MN1: variants seen among roughly 807,000 people sequenced by gnomAD.
MN1 encodes the protein transcriptional activator MN1.
MN1 carries 19 observed loss-of-function variants against 86.9 expected under a neutral mutation model. The observed-to-expected ratio is 0.22, with a 90% CI of 0.15 to 0.32. The LOEUF (loss-of-function observed/expected upper bound fraction) is 0.32. MN1 is among the 10% of genes least tolerant of loss of function. MN1 has a pLI of 1.00. For synonymous variants in MN1, 928 were observed against 849.6 expected (o/e 1.09, Z -1.60); for missense variants, 1,841 against 1,862.0 (o/e 0.99, Z 0.21).
chr22:27,775,140 C>T (rs1932960856), intron 1 of MN1, among the ~76,000 whole-genome samples: 1 of 152,216 alleles, frequency 6.6e-6, no homozygotes, highest in Admixed American at 6.5e-5. Context: ...TTCTCTGTAC[C>T]TCGCCCTCCT....
rs149306551 is a variant in MN1, at chr22:27,757,349, G to A, written c.3782-6253C>T. 5.8e-3 allele frequency among the ~76,000 whole-genome samples: 888 copies of A among 152,310 alleles called. 2 individuals are homozygous for A. Among genetic ancestry groups the A allele is most frequent in the African/African-American group, 0.02 (850 of 41,564 alleles). On this transcript the variant is annotated intron_variant, in intron 1 of 1. Coordinates refer to ENST00000302326, the MANE Select transcript of MN1 (RefSeq NM_002430.3). ...CGCACCCGGCGCACTCTTACTGTTC[G>A]TGGCACTGGAGGCAGACAGAGCTAG...
chr22:27,783,124 G>T (rs1218261684), intron 1 of MN1, among the ~76,000 whole-genome samples: 1 of 150,496 alleles, frequency 6.6e-6, no homozygotes, highest in African/African-American at 2.5e-5. Flanking sequence ...GGGGATGTAC[G>T]TCGTGCTGCT....
chr22:27,770,022 T>C (rs1678715100), intron 1 of MN1, among the ~76,000 whole-genome samples: 1 of 152,198 alleles, frequency 6.6e-6, no homozygotes, highest in African/African-American at 2.4e-5. Flanking sequence ...CAAGGCCACA[T>C]AGTCACTAAT....
intron 1 of MN1, among the ~76,000 whole-genome samples, chr22:27,772,592 G>A (rs1288490075): frequency 6.6e-6 from 1 of 152,144 alleles, no homozygotes; most frequent in African/African-American, 2.4e-5. Context: ...CCCTGCAGGT[G>A]CAGACGTCTG....
At position 27,801,052 on chromosome 22, in the gene MN1, G is replaced by A. The variant is rs889744536; in HGVS notation, c.-509C>T. On this transcript the variant is annotated 5_prime_UTR_variant, in exon 1 of 2. Transcript: ENST00000302326. ...AGGGAGACCCTTCAAAGCCGCGGCTGGCGCCGGGCACCGACAGAGCGGTCC... is the reference window on the plus strand; with the variant it reads ...AGGGAGACCCTTCAAAGCCGCGGCTAGCGCCGGGCACCGACAGAGCGGTCC... 5.5e-5 allele frequency: 13 copies of A among 238,348 alleles called. No individual in the cohort carries two copies. Among genetic ancestry groups the A allele is most frequent in the East Asian group, 3.7e-4 (6 of 16,344 alleles). The allele number at this position is 238,348 out of a possible 1,614,324, so 14.8% of individuals were successfully genotyped here.
chr22:27,752,204 T>A (rs1432391648), intron 1 of MN1, among the ~76,000 whole-genome samples: 2 of 151,716 alleles, frequency 1.3e-5, no homozygotes, highest in Non-Finnish European at 2.9e-5. Flanking sequence ...AAAAGGGGAG[T>A]GTCCACCCGG....
intron 1 of MN1, among the ~76,000 whole-genome samples, chr22:27,768,592 G>T (rs897651323): frequency 6.6e-6 from 1 of 152,126 alleles, no homozygotes; most frequent in African/African-American, 2.4e-5. Flanking sequence ...TCTAGAGTTG[G>T]GTTGTCCAAC....
chr22:27,775,040 T>C (rs1568975827), intron 1 of MN1, among the ~76,000 whole-genome samples: 2 of 152,334 alleles, frequency 1.3e-5, no homozygotes, highest in South Asian at 4.1e-4. Flanking sequence ...TGTCTCATGC[T>C]GAGGAGCAGT....
intron 1 of MN1, among the ~76,000 whole-genome samples, chr22:27,771,507 G>A (rs1016491936): frequency 5.3e-5 from 8 of 151,930 alleles, no homozygotes; most frequent in East Asian, 1.9e-4. Context: ...GATTATAAGC[G>A]TGAGCCGCCA....
Position 27,797,857 on chromosome 22 carries a change from G to C in MN1, c.2687C>G (p.Thr896Ser), listed in dbSNP as rs1388123659. ...GAPGPGGPSG[T>S]SSSGSKASGP... Reference sequence around the variant, plus strand: ...CGAGGCTTTGGAGCCGCTGCTACTGGTCCCGGACGGGCCTCCGGGTCCTGG... The same window carrying C: ...CGAGGCTTTGGAGCCGCTGCTACTGCTCCCGGACGGGCCTCCGGGTCCTGG... Residue 896 changes from threonine to serine, a missense_variant, in exon 1 of 2, where the codon ACC (threonine) becomes AGC (serine). Physicochemically the swap from Thr to Ser is moderately conservative, Grantham distance 58. Transcript: ENST00000302326. 1 of 1,584,148 alleles carries C rather than the reference G, an allele frequency of 6.3e-7. No homozygotes were observed.
chr22:27,794,032 A>G (rs945949549), intron 1 of MN1, among the ~76,000 whole-genome samples: 5 of 152,306 alleles, frequency 3.3e-5, no homozygotes, highest in Non-Finnish European at 7.4e-5. Flanking sequence ...GAGAAGGTCC[A>G]TTCAAAGCCA....
chr22:27,785,322 C>A (rs907218817), intron 1 of MN1, among the ~76,000 whole-genome samples: 13 of 152,172 alleles, frequency 8.5e-5, no homozygotes, highest in Admixed American at 2.0e-4. Context: ...AACGGAAAAA[C>A]CCCCTCTGTC....
intron 1 of MN1, among the ~76,000 whole-genome samples, chr22:27,793,994 G>A (rs927073561): frequency 2.0e-5 from 3 of 151,000 alleles, no homozygotes; most frequent in Non-Finnish European, 4.4e-5. Context: ...AAGGGGAGTA[G>A]AAAAAAAAAT....
intron 1 of MN1, among the ~76,000 whole-genome samples, chr22:27,770,940 G>A (rs1435509289): frequency 2.6e-5 from 4 of 152,004 alleles, no homozygotes; most frequent in Non-Finnish European, 5.9e-5. Context: ...GATTACAGGC[G>A]GGAGCCACCA....
In MN1 at chr22:27,748,647, C is replaced by T. The variant is rs1383269046; in HGVS notation, c.*2268G>A. On this transcript the variant is annotated 3_prime_UTR_variant, in exon 2 of 2. Transcript: ENST00000302326. Reference sequence around the variant, plus strand: ...ATTTACTTTTATTCTTTCCATTAAACCAAATTTAATGAAATAACATCCTTT... The same window carrying T: ...ATTTACTTTTATTCTTTCCATTAAATCAAATTTAATGAAATAACATCCTTT... 4.7e-6 allele frequency: 1 copy of T among 210,942 alleles called. No homozygotes were observed. Among genetic ancestry groups the T allele is most frequent in the African/African-American group, 2.3e-5 (1 of 44,036 alleles). The allele number at this position is 210,942 out of a possible 1,614,324, so 13.1% of individuals were successfully genotyped here. A position where few individuals can be genotyped will look rare whatever the true frequency, so the allele number is the denominator to read the frequency against.
rs1278603134 is a variant in MN1 at position 27,800,336 on chromosome 22, A to C, written c.208T>G (p.Phe70Val). Residue 70 changes from phenylalanine (F) to valine (V), a missense_variant, in exon 1 of 2, where the codon TTC (phenylalanine) becomes GTC (valine). Transcript: ENST00000302326. ...AACTCCGAGTGGCCGCGCGCGTGGAAGCCGTAGGGCTCCATGTTCATGCCC... is the reference window on the plus strand; with the variant it reads ...AACTCCGAGTGGCCGCGCGCGTGGACGCCGTAGGGCTCCATGTTCATGCCC... ...ILGMNMEPYG[F>V]HARGHSELHA... 1 of 1,589,200 alleles carries C rather than the reference A, an allele frequency of 6.3e-7. No individual in the cohort carries two copies.
At position 27,750,046 on chromosome 22, in the gene MN1, G is replaced by C. The variant is rs1601318926; in HGVS notation, c.*869C>G. ...CAGACCAAAGGCTGCTTAGCACAGC[G>C]TGAAAATGCAGGGCCTGGGCATTTG... On this transcript the variant is annotated 3_prime_UTR_variant, in exon 2 of 2. Transcript: ENST00000302326. 1 of 232,150 alleles carries C rather than the reference G, an allele frequency of 4.3e-6. No homozygotes were observed. Among genetic ancestry groups the C allele is most frequent in the Non-Finnish European group, 8.5e-6 (1 of 117,346 alleles). The allele number at this position is 232,150 out of a possible 1,614,324, so 14.4% of individuals were successfully genotyped here.
intron 1 of MN1, among the ~76,000 whole-genome samples, chr22:27,794,977 G>T (rs556024678): frequency 6.7e-6 from 1 of 149,856 alleles, no homozygotes; most frequent in South Asian, 2.1e-4. Flanking sequence ...ACCAGCTATC[G>T]ATCGGGCCAG....
intron 1 of MN1, among the ~76,000 whole-genome samples, chr22:27,759,195 G>A (rs1408438626): frequency 1.3e-5 from 2 of 152,164 alleles, no homozygotes; most frequent in African/African-American, 4.8e-5. Flanking sequence ...TGGAGGATTT[G>A]ACCCCTGTGG....
Sources: gnomAD v4.1 joint callset for allele counts (sites outside exome capture counted in the v4.1 genomes callset) on GRCh38, gnomAD v4.1.1 for gene constraint, MANE v1.5 for transcripts, NCBI Gene and HGNC (gene_info 2026-07-23, HGNC 2026-07-21) for gene names.